PHACTR4: variants seen among roughly 807,000 people sequenced by gnomAD.
PHACTR4 encodes protein phosphatase 1, regulatory subunit 124.
A neutral mutation model predicts 72.7 loss-of-function variants in PHACTR4; 51 were observed. That is an observed-to-expected ratio of 0.70 (90% CI 0.56 to 0.89). The LOEUF is 0.89. Among genes scored for constraint, PHACTR4 ranks in the 40% least tolerant of loss-of-function variants. The probability of loss-of-function intolerance (pLI) is 0.00; values close to 1 mark genes in which losing one functional copy is unlikely to be tolerated. For missense variants in PHACTR4, 731 were observed against 861.8 expected, an observed-to-expected ratio of 0.85 and a Z score of 1.90; for synonymous variants, 255 against 302.5, an observed-to-expected ratio of 0.84 and a Z score of 1.63.
At chr1:28,389,965 TAA>T (rs1652872641) in intron 1 of PHACTR4, among the ~76,000 whole-genome samples, 1 of 152,150 alleles carries the variant, frequency 6.6e-6, no homozygotes, top group African/African-American at 2.4e-5. Context: ...GAATCAGTGT[TAA>T]GTGTCCATCA....
chr1:28,373,663 C>G (rs1651421515), intron 1 of PHACTR4, among the ~76,000 whole-genome samples: 1 of 151,956 alleles, frequency 6.6e-6, no homozygotes, highest in Non-Finnish European at 1.5e-5. Flanking sequence ...TTGGCTCAGG[C>G]GATCCTCTCA....
chr1:28,431,131 A>T (rs1329773255), intron 2 of PHACTR4, among the ~76,000 whole-genome samples: 1 of 149,100 alleles, frequency 6.7e-6, no homozygotes, highest in African/African-American at 2.5e-5. Context: ...GTGAGCTGAG[A>T]TCGCGCCACT....
intron 6 of PHACTR4, among the ~76,000 whole-genome samples, chr1:28,471,297 C>T (rs570013874): frequency 2.8e-4 from 42 of 151,458 alleles, no homozygotes; most frequent in African/African-American, 9.5e-4. Flanking sequence ...TGCAGTTAGC[C>T]GAGATGGCGC....
At chr1:28,472,965 C>T (rs1659664449) in intron 6 of PHACTR4, among the ~76,000 whole-genome samples, 1 of 151,284 alleles carries the variant, frequency 6.6e-6, no homozygotes, top group Admixed American at 6.6e-5. Flanking sequence ...ATATTAACTA[C>T]ACCAAGATCA....
chr1:28,496,673 G>A lies in PHACTR4; in HGVS notation c.*124G>A, dbSNP rs1303877220. On this transcript the variant is annotated 3_prime_UTR_variant, in exon 14 of 14. Transcript: ENST00000373839. ...ATTGCATCCTCTGGGATCTTCTGAG[G>A]TGGACAGCACTTTGAATGTAGCATT... 2.7e-6 allele frequency: 3 copies of A among 1,127,724 alleles called. No individual in the cohort carries two copies. The highest frequency in any genetic ancestry group is 1.7e-5 in the Admixed American group (1 of 58,102). The allele number at this position is 1,127,724 out of a possible 1,614,324, so 69.9% of individuals were successfully genotyped here. A position where few individuals can be genotyped will look rare whatever the true frequency, so the allele number is the denominator to read the frequency against.
intron 4 of PHACTR4, among the ~76,000 whole-genome samples, chr1:28,463,710 T>G (rs929921967): frequency 1.3e-5 from 2 of 152,120 alleles, no homozygotes; most frequent in Non-Finnish European, 2.9e-5. Context: ...TTCATTACTT[T>G]GAGCCTACAC....
chr1:28,439,277 C>G (rs1656833946), intron 2 of PHACTR4, among the ~76,000 whole-genome samples: 1 of 151,534 alleles, frequency 6.6e-6, no homozygotes, highest in Non-Finnish European at 1.5e-5. Flanking sequence ...CATGTTCAGT[C>G]CTAGGCTGCA....
chr1:28,466,304 A>G (rs1659162631), intron 5 of PHACTR4, 78 bp from the exon 6 acceptor site: 1 of 1,473,212 alleles, frequency 6.8e-7, no homozygotes, highest in Non-Finnish European at 9.2e-7. Context: ...TTGGCCACAA[A>G]TTCATAGATG....
intron 9 of PHACTR4, 64 bp from the exon 10 acceptor site, chr1:28,489,106 A>C: frequency 7.0e-7 from 1 of 1,423,906 alleles, no homozygotes; most frequent in African/African-American, 1.4e-5. Context: ...GTGACCAAAA[A>C]AATCTTTATA....
rs557516313 is a variant in PHACTR4 at position 28,423,817 on chromosome 1, C to T, written c.16+16354C>T. On this transcript the variant is annotated intron_variant, in intron 2 of 13. Transcript: ENST00000373839. Reference sequence around the variant, plus strand: ...GTATATGTAAAATATTTAGAATAATCGTTGGGATTATAACACACGTTCAAT... The same window carrying T: ...GTATATGTAAAATATTTAGAATAATTGTTGGGATTATAACACACGTTCAAT... Among the ~76,000 whole-genome samples the T allele has an allele frequency of 2.5e-3, 386 of 152,204 alleles. 1 individual carries two copies. Among genetic ancestry groups the T allele is most frequent in the Non-Finnish European group, 4.9e-3 (335 of 68,016 alleles).
intron 1 of PHACTR4, among the ~76,000 whole-genome samples, chr1:28,382,578 C>T (rs951331018): frequency 3.9e-5 from 6 of 152,162 alleles, no homozygotes; most frequent in African/African-American, 1.4e-4. Flanking sequence ...GCTGGGACTA[C>T]AGGCGTGAGC....
intron 6 of PHACTR4, chr1:28,466,995 A>G: frequency 2.0e-6 from 1 of 502,038 alleles, no homozygotes; most frequent in Non-Finnish European, 3.5e-6. Context: ...TGGGTGGATC[A>G]CAAGGTCAGG....
chr1:28,413,954 T>G (rs1463249228), intron 2 of PHACTR4, among the ~76,000 whole-genome samples: 1 of 152,216 alleles, frequency 6.6e-6, no homozygotes, highest in African/African-American at 2.4e-5. Context: ...CTTCCCACTG[T>G]GTTTGGATGG....
chr1:28,442,876 T>G (rs936738165), intron 2 of PHACTR4, among the ~76,000 whole-genome samples: 5 of 152,194 alleles, frequency 3.3e-5, no homozygotes, highest in Non-Finnish European at 7.3e-5. Flanking sequence ...ATATGTATGA[T>G]GTGATTAGAT....
chr1:28,410,728 C>T (rs1013386228), intron 2 of PHACTR4, among the ~76,000 whole-genome samples: 4 of 151,810 alleles, frequency 2.6e-5, no homozygotes, highest in Admixed American at 6.6e-5. Context: ...TTATTTGAGA[C>T]GGAGTTTTGC....
intron 6 of PHACTR4, 52 bp downstream of exon 6, chr1:28,466,820 G>A: frequency 6.5e-7 from 1 of 1,543,510 alleles, no homozygotes; most frequent in Non-Finnish European, 8.8e-7. Context: ...GATGTTGGAT[G>A]GTTATTTTAT....
intron 8 of PHACTR4, among the ~76,000 whole-genome samples, chr1:28,476,545 T>A: frequency 6.9e-6 from 1 of 144,208 alleles, no homozygotes; most frequent in African/African-American, 2.5e-5. Context: ...TTGTTTTAAT[T>A]TTTTTTTTTT....
intron 11 of PHACTR4, 77 bp from the exon 12 acceptor site, chr1:28,491,573 T>C: frequency 6.3e-7 from 1 of 1,591,596 alleles, no homozygotes; most frequent in Non-Finnish European, 8.6e-7. Context: ...ATTGAAGCAC[T>C]GGGTTAGAGG....
chr1:28,383,667 G>C (rs1166441494), intron 1 of PHACTR4, among the ~76,000 whole-genome samples: 3 of 152,066 alleles, frequency 2.0e-5, no homozygotes, highest in Admixed American at 6.6e-5. Flanking sequence ...TGTTGTTGAG[G>C]TATAGGAATG....
Sources: allele counts gnomAD v4.1 joint callset (sites outside exome capture counted in the v4.1 genomes callset), GRCh38; gene constraint gnomAD v4.1.1; transcripts MANE v1.5; gene names NCBI Gene and HGNC (gene_info 2026-07-23, HGNC 2026-07-21).